The following TTI2 variants were observed in gnomAD, a reference collection of about 807,000 sequenced individuals.
TTI2 encodes the protein TELO2-interacting protein 2.
Under a neutral mutation model 44.9 loss-of-function variants are expected in TTI2, and 26 were observed. The ratio of observed to expected loss-of-function variants is 0.58; its 90% CI spans 0.42 to 0.80. The LOEUF (loss-of-function observed/expected upper bound fraction) is 0.80. Ranked by LOEUF, TTI2 falls within the 30% of genes least tolerant of loss-of-function variation. The pLI, the probability that TTI2 is intolerant of heterozygous loss-of-function variation, is 0.00. For synonymous variants in TTI2, 254 were observed against 250.9 expected, an observed-to-expected ratio of 1.01 and a Z score of -0.12; for missense variants, 582 against 611.6, an observed-to-expected ratio of 0.95 and a Z score of 0.51.
chr8:33,509,713 G>T, intron 3 of TTI2, 33 bp downstream of exon 3: 1 of 1,601,740 alleles, frequency 6.2e-7, no homozygotes, highest in Non-Finnish European at 8.6e-7. Context: ...AGTCTGTCCT[G>T]TCAACACAGA....
chr8:33,512,394 G>A lies in TTI2; in HGVS notation c.220C>T (p.Arg74Trp). Residue 74 changes from arginine to tryptophan, a missense_variant, in exon 2 of 8, where the codon CGG (arginine) becomes TGG (tryptophan). Physicochemically the swap from Arg to Trp is moderately radical, Grantham distance 101 (BLOSUM62 -3). Transcript: ENST00000431156. ...AGTGTCTCCGGCATTCCGCGGAGCC[G>A]TGCACCAGTCCCCTCAAATAACCTA... ...FDRLFEGTGA[R>W]LRGMPETLGQ... is the part of the protein sequence containing the mutation. 3 of 1,614,064 alleles carry A rather than the reference G, an allele frequency of 1.9e-6. No homozygotes were observed. The highest frequency in any genetic ancestry group is 1.7e-6 in the Non-Finnish European group (2 of 1,179,944).
intron 4 of TTI2, 139 bp from the exon 5 acceptor site, chr8:33,504,074 G>A: frequency 1.2e-6 from 1 of 854,662 alleles, no homozygotes; most frequent in South Asian, 1.5e-5. Context: ...AATCATATAT[G>A]AACTGCACAT....
chr8:33,505,111 T>A (rs1809247657), intron 4 of TTI2, among the ~76,000 whole-genome samples: 1 of 151,986 alleles, frequency 6.6e-6, no homozygotes, highest in South Asian at 2.1e-4. Flanking sequence ...TAATCCCAGC[T>A]ACTAGGGAGG....
At chr8:33,501,168 A>T (rs905507735) in intron 6 of TTI2, 4 of 152,184 alleles carry the variant, frequency 2.6e-5, no homozygotes, top group Admixed American at 2.6e-4. Flanking sequence ...TAAACAAAAA[A>T]CCCTAAAAAA....
chr8:33,500,400 A>T lies in TTI2; in HGVS notation c.1350T>A (p.Val450=), dbSNP rs2128826629. 1 of 1,614,104 alleles carries T rather than the reference A, an allele frequency of 6.2e-7. No homozygotes were observed. The highest frequency in any genetic ancestry group is 1.1e-5 in the South Asian group (1 of 91,086). The change falls in exon 7 of 8, where the codon GTT becomes GTA. Residue 450 remains valine (V), a synonymous_variant. Transcript: ENST00000431156. ...TGGCCTCCTGTAGCAGGGCGCTCTTAACAGACTCAGGTGTAAGGTTTGGAT... is the reference window on the plus strand; with the variant it reads ...TGGCCTCCTGTAGCAGGGCGCTCTTTACAGACTCAGGTGTAAGGTTTGGAT... The part of the protein sequence containing the change: ...ARDPNLTPES[V]KSALLQEATD...
intron 3 of TTI2, among the ~76,000 whole-genome samples, chr8:33,509,408 A>C (rs1809432168): frequency 6.8e-6 from 1 of 146,856 alleles, no homozygotes; most frequent in South Asian, 2.2e-4. Context: ...GTGGGACAAG[A>C]TCACACCACT....
chr8:33,506,539 G>A (rs1286225994), intron 4 of TTI2, among the ~76,000 whole-genome samples: 4 of 150,190 alleles, frequency 2.7e-5, no homozygotes, highest in Non-Finnish European at 5.9e-5. Context: ...CTACAGACAC[G>A]TGCCACCACG....
At chr8:33,503,690 C>A (rs2128828060) in intron 5 of TTI2, 58 bp downstream of exon 5, 1 of 1,610,206 alleles carries the variant, frequency 6.2e-7, no homozygotes, top group African/African-American at 1.3e-5. Flanking sequence ...GCAGCTCAAG[C>A]AACATAGCAA....
At chr8:33,500,844 A>C (rs952050432) in intron 6 of TTI2, 2 of 213,628 alleles carry the variant, frequency 9.4e-6, no homozygotes, top group Non-Finnish European at 1.9e-5. Flanking sequence ...TATTAACTGA[A>C]CTATGCTTGG....
At chr8:33,508,640 G>T (rs1312894285) in intron 3 of TTI2, among the ~76,000 whole-genome samples, 1 of 85,952 alleles carries the variant, frequency 1.2e-5, no homozygotes, top group African/African-American at 4.4e-5. Flanking sequence ...AAAAAAAAAA[G>T]GGCAGGGGGG....
chr8:33,502,817 C>T (rs1487583801), intron 6 of TTI2, among the ~76,000 whole-genome samples: 1 of 143,766 alleles, frequency 7.0e-6, no homozygotes, highest in African/African-American at 2.6e-5. Context: ...CAGAGCAATA[C>T]TCCATCTCAA....
At chr8:33,509,132 C>CAAAAAAAAAA (rs751009227) in intron 3 of TTI2, among the ~76,000 whole-genome samples, 13 of 96,932 alleles carry the variant, frequency 1.3e-4, no homozygotes, top group Non-Finnish European at 1.8e-4. Flanking sequence ...GATAATGTCT[C>CAAAAAAAAAA]AAAAAAAAAA....
intron 6 of TTI2, among the ~76,000 whole-genome samples, chr8:33,502,479 G>T (rs1398728722): frequency 1.3e-5 from 2 of 151,532 alleles, no homozygotes; most frequent in East Asian, 3.9e-4. Flanking sequence ...TTCCTGTGGG[G>T]CATCAAAGAG....
intron 4 of TTI2, among the ~76,000 whole-genome samples, chr8:33,506,680 C>A (rs1809308147): frequency 7.1e-6 from 1 of 140,826 alleles, no homozygotes; most frequent in South Asian, 2.3e-4. Context: ...GTGTGAGCCA[C>A]AGTGCCAGGC....
intron 4 of TTI2, among the ~76,000 whole-genome samples, chr8:33,506,036 C>T (rs1478244812): frequency 1.3e-5 from 2 of 152,196 alleles, no homozygotes; most frequent in African/African-American, 2.4e-5. Flanking sequence ...CTGCCTGCCT[C>T]GGCCTCCCAA....
In TTI2 at chr8:33,507,269, A is replaced by T; in HGVS notation, c.887T>A (p.Ile296Asn). The change falls in exon 4 of 8, where the codon ATT (isoleucine) becomes AAT (asparagine). Residue 296 changes from isoleucine to asparagine, a missense_variant. Transcript: ENST00000431156. ...YNRAQVLYHA[I>N]SNHLYTPEHH... ...CTCTGGTGTGTACAGGTGGTTGGAA[A>T]TGGCATGGTATAGGACCTGGGCTCT... is the stretch of plus-strand genomic sequence containing the variant. The T allele has an allele frequency of 6.2e-7, 1 of 1,614,198 alleles. No homozygotes were observed. Among genetic ancestry groups the T allele is most frequent in the Non-Finnish European group, 8.5e-7 (1 of 1,180,034 alleles).
In TTI2 at chr8:33,512,545, G is replaced by A. The variant is rs1348584758; in HGVS notation, c.69C>T (p.His23=). ...TGGAGAAGGCCTGTCCAAAGGCGGAGTGAGACAACTCCTCGGACAAATTAG... is the reference window on the plus strand; with the variant it reads ...TGGAGAAGGCCTGTCCAAAGGCGGAATGAGACAACTCCTCGGACAAATTAG... ...EDSNLSEELS[H]SAFGQAFSKI... Residue 23 remains histidine, a synonymous_variant, in exon 2 of 8, where the codon CAC becomes CAT. Transcript: ENST00000431156. The A allele has an allele frequency of 1.2e-6, 2 of 1,614,148 alleles. No individual in the cohort carries two copies. Among genetic ancestry groups the A allele is most frequent in the Non-Finnish European group, 1.7e-6 (2 of 1,180,040 alleles).
rs1257666732 is a variant in TTI2 at position 33,498,850 on chromosome 8, A to T, written c.*323T>A. The T allele has an allele frequency of 1.7e-6, 1 of 594,626 alleles. No individual in the cohort carries two copies. The highest frequency in any genetic ancestry group is 1.9e-5 in the African/African-American group (1 of 53,786). The allele number at this position is 594,626 out of a possible 1,614,324, so 36.8% of individuals were successfully genotyped here. A position where few individuals can be genotyped will look rare whatever the true frequency, so the allele number is the denominator to read the frequency against. On this transcript the variant is annotated 3_prime_UTR_variant, in exon 8 of 8. Coordinates refer to ENST00000431156, the MANE Select transcript of TTI2 (RefSeq NM_001102401.4). ...GAGTGTTTTTATAGCATATGTGTTGAAGTAACAGCTTGTGCCCGAGAAACT... is the reference window on the plus strand; with the variant it reads ...GAGTGTTTTTATAGCATATGTGTTGTAGTAACAGCTTGTGCCCGAGAAACT...
intron 7 of TTI2, chr8:33,499,558 T>C (rs948177674): frequency 2.2e-5 from 8 of 359,706 alleles, no homozygotes; most frequent in South Asian, 2.1e-4. Context: ...GCAAATTCAG[T>C]TGGATCTAGG....
Sources: allele counts gnomAD v4.1 joint callset (sites outside exome capture counted in the v4.1 genomes callset), GRCh38; gene constraint gnomAD v4.1.1; transcripts MANE v1.5; gene names NCBI Gene and HGNC (gene_info 2026-07-23, HGNC 2026-07-21).